Variants in CHN2 observed in about 807,000 individuals in gnomAD.
CHN2 encodes beta-chimaerin.
Under a neutral mutation model 56.3 loss-of-function variants are expected in CHN2, and 35 were observed. That is an observed-to-expected ratio of 0.62 (90% CI 0.47 to 0.82). The LOEUF (loss-of-function observed/expected upper bound fraction) is 0.82, where lower values mean the gene tolerates loss of function less well. Among genes scored for constraint, CHN2 ranks in the 40% least tolerant of loss-of-function variants. The pLI, the probability that CHN2 is intolerant of heterozygous loss-of-function variation, is 0.00. For synonymous variants in CHN2, 210 were observed against 212.8 expected, an observed-to-expected ratio of 0.99 and a Z score of 0.12; for missense variants, 491 against 580.5, an observed-to-expected ratio of 0.85 and a Z score of 1.58.
At chr7:29,381,374 G>A (rs76876378) in intron 3 of CHN2, among the ~76,000 whole-genome samples, 2,820 of 152,214 alleles carry the variant, frequency 0.019, 101 homozygotes, top group African/African-American at 0.064. Flanking sequence ...ATGCCTAATT[G>A]GGTTGTCCAA....
chr7:29,240,508 T>C (rs1005330670), intron 1 of CHN2, among the ~76,000 whole-genome samples: 9 of 152,230 alleles, frequency 5.9e-5, no homozygotes, highest in African/African-American at 1.9e-4. Flanking sequence ...GAAGAAACTA[T>C]ATATTTTTTC....
intron 6 of CHN2, among the ~76,000 whole-genome samples, chr7:29,437,083 C>A (rs1585388546): frequency 6.6e-6 from 1 of 152,006 alleles, no homozygotes; most frequent in East Asian, 1.9e-4. Context: ...CTATTTCCTG[C>A]CAATGTCTAC....
At chr7:29,313,834 G>A (rs1298903253) in intron 1 of CHN2, among the ~76,000 whole-genome samples, 4 of 152,154 alleles carry the variant, frequency 2.6e-5, no homozygotes, top group Admixed American at 1.3e-4. Flanking sequence ...TACTACGAGC[G>A]TTCATCGTTT....
At chr7:29,510,870 G>C (rs1357214183) in intron 12 of CHN2, among the ~76,000 whole-genome samples, 1 of 152,182 alleles carries the variant, frequency 6.6e-6, no homozygotes, top group Non-Finnish European at 1.5e-5. Context: ...CTGCGTGAGT[G>C]TGTGGGAGAC....
chr7:29,466,117 G>A (rs549770727), intron 6 of CHN2, among the ~76,000 whole-genome samples: 8 of 152,172 alleles, frequency 5.3e-5, no homozygotes, highest in East Asian at 3.9e-4. Flanking sequence ...CACAAGAATC[G>A]CTTGAACCCC....
intron 1 of CHN2, among the ~76,000 whole-genome samples, chr7:29,243,120 T>G (rs1426672291): frequency 6.6e-6 from 1 of 152,224 alleles, no homozygotes; most frequent in East Asian, 1.9e-4. Flanking sequence ...AATCAGTTAA[T>G]TACTAAGATG....
chr7:29,262,189 A>G (rs2071243105), intron 1 of CHN2, among the ~76,000 whole-genome samples: 1 of 152,144 alleles, frequency 6.6e-6, no homozygotes, highest in South Asian at 2.1e-4. Context: ...AACAACCAAA[A>G]AAACAACTTT....
chr7:29,462,586 G>A lies in CHN2; in HGVS notation c.577-17693G>A, dbSNP rs188288912. On this transcript the variant is annotated intron_variant, in intron 6 of 12. Coordinates refer to ENST00000222792, the MANE Select transcript of CHN2 (RefSeq NM_004067.4). ...AGCTAGATTGTCAATCAGAGTGCCT[G>A]CATGAGGCCTCTCCATGCAGCTTAT... Among the ~76,000 whole-genome samples the A allele has an allele frequency of 4.6e-5, 7 of 152,276 alleles. No homozygotes were observed. In the East Asian group the frequency reaches 1.2e-3, roughly 25 times the overall value.
At chr7:29,367,888 C>G (rs1170308673) in intron 2 of CHN2, 44 bp from the exon 3 acceptor site, 1 of 1,554,494 alleles carries the variant, frequency 6.4e-7, no homozygotes, top group East Asian at 2.3e-5. Flanking sequence ...TTGCAGTATT[C>G]TAATTCTAAT....
intron 3 of CHN2, among the ~76,000 whole-genome samples, chr7:29,382,709 G>A (rs1315646988): frequency 6.6e-6 from 1 of 151,522 alleles, no homozygotes; most frequent in Non-Finnish European, 1.5e-5. Context: ...CCTAACTCAG[G>A]CCTTTTATAA....
intron 1 of CHN2, 56 bp from the exon 2 acceptor site, chr7:29,354,569 G>A: frequency 4.7e-6 from 7 of 1,498,616 alleles, no homozygotes; most frequent in Non-Finnish European, 6.4e-6. Flanking sequence ...GAAGACACAT[G>A]TTGACAGCTT....
At chr7:29,230,792 A>C (rs1472975073) in intron 1 of CHN2, among the ~76,000 whole-genome samples, 1 of 152,060 alleles carries the variant, frequency 6.6e-6, no homozygotes, top group Non-Finnish European at 1.5e-5. Flanking sequence ...ACATTCCCAA[A>C]TCTTGAAATT....
intron 11 of CHN2, among the ~76,000 whole-genome samples, chr7:29,508,713 T>G (rs981308087): frequency 2.0e-5 from 3 of 151,690 alleles, no homozygotes; most frequent in Admixed American, 6.6e-5. Flanking sequence ...AAGCATGTAC[T>G]CTTCCTCCCA....
intron 1 of CHN2, among the ~76,000 whole-genome samples, chr7:29,211,456 A>G (rs1009823769): frequency 6.7e-4 from 89 of 133,824 alleles, no homozygotes; most frequent in African/African-American, 2.6e-3. Context: ...GTTGGCACAC[A>G]CACACACACA....
chr7:29,495,905 T>G lies in CHN2; in HGVS notation c.655-47T>G, dbSNP rs751340665. The G allele has an allele frequency of 3.2e-6, 5 of 1,552,588 alleles. No individual in the cohort carries two copies. In the East Asian group the frequency reaches 1.1e-4, roughly 35 times the overall value. On this transcript the variant is annotated intron_variant, in intron 7 of 12. Coordinates refer to ENST00000222792, the MANE Select transcript of CHN2 (RefSeq NM_004067.4). ...TGACATGTCTGAGGCTACCTGCCTT[T>G]AAATGACTCTGAGCTTTCTGACATT...
chr7:29,393,330 T>C (rs1027576899), intron 3 of CHN2, among the ~76,000 whole-genome samples: 1 of 152,272 alleles, frequency 6.6e-6, no homozygotes, highest in Admixed American at 6.5e-5. Flanking sequence ...TAAATGCTTA[T>C]GTTTTATTCA....
At chr7:29,329,931 A>G (rs1796097617) in intron 1 of CHN2, among the ~76,000 whole-genome samples, 1 of 152,162 alleles carries the variant, frequency 6.6e-6, no homozygotes, top group Non-Finnish European at 1.5e-5. Context: ...CAGAGCTCTC[A>G]CTGTCTGGAC....
At chr7:29,407,998 G>A (rs1291726255) in intron 6 of CHN2, among the ~76,000 whole-genome samples, 1 of 151,900 alleles carries the variant, frequency 6.6e-6, no homozygotes, top group South Asian at 2.1e-4. Flanking sequence ...GACCAGCCTG[G>A]CCAACATGGT....
chr7:29,490,296 A>G (rs1373143306), intron 7 of CHN2, among the ~76,000 whole-genome samples: 1 of 152,014 alleles, frequency 6.6e-6, no homozygotes, highest in African/African-American at 2.4e-5. Flanking sequence ...GTGAATTCCT[A>G]TCCATCCTTC....
Sources: gnomAD v4.1 joint callset for allele counts (sites outside exome capture counted in the v4.1 genomes callset) on GRCh38, gnomAD v4.1.1 for gene constraint, MANE v1.5 for transcripts, NCBI Gene and HGNC (gene_info 2026-07-23, HGNC 2026-07-21) for gene names.